TNR: variants seen among roughly 807,000 people sequenced by gnomAD.
TNR encodes tenascin R.
TNR carries 45 observed loss-of-function variants against 150.4 expected under a neutral mutation model. The observed-to-expected ratio is 0.30, with a 90% CI of 0.24 to 0.38. The LOEUF (loss-of-function observed/expected upper bound fraction) is 0.38. Among genes scored for constraint, TNR ranks in the 10% least tolerant of loss-of-function variants. The probability of loss-of-function intolerance (pLI) is 1.00; values close to 1 mark genes in which losing one functional copy is unlikely to be tolerated. For synonymous variants in TNR, 687 were observed against 678.4 expected (o/e 1.01, Z -0.20); for missense variants, 1,544 against 1,759.1 (o/e 0.88, Z 2.19).
intron 1 of TNR, among the ~76,000 whole-genome samples, chr1:175,713,770 A>G (rs943517540): frequency 2.0e-5 from 3 of 152,204 alleles, no homozygotes; most frequent in African/African-American, 7.2e-5. Context: ...GACCTGCATG[A>G]GAGAAGGAGG....
chr1:175,366,223 A>G, intron 10 of TNR, 85 bp from the exon 11 acceptor site: 1 of 1,403,430 alleles, frequency 7.1e-7, no homozygotes, highest in Non-Finnish European at 9.6e-7. Flanking sequence ...TTTCCAAGCT[A>G]TCAGCAGGCC....
At chr1:175,552,943 T>C (rs886321526) in intron 1 of TNR, among the ~76,000 whole-genome samples, 2 of 152,152 alleles carry the variant, frequency 1.3e-5, no homozygotes, top group Non-Finnish European at 2.9e-5. Flanking sequence ...CTGGCCAGTC[T>C]ACAGCCTGGG....
intron 2 of TNR, among the ~76,000 whole-genome samples, chr1:175,417,882 G>C (rs859471): frequency 1.3e-5 from 2 of 152,008 alleles, no homozygotes; most frequent in African/African-American, 4.8e-5. Flanking sequence ...ATAGCCATTC[G>C]TTTCTTCAGA....
At chr1:175,618,244 A>C (rs1400915342) in intron 1 of TNR, among the ~76,000 whole-genome samples, 1 of 152,244 alleles carries the variant, frequency 6.6e-6, no homozygotes, top group Non-Finnish European at 1.5e-5. Context: ...AATTAGACTG[A>C]AGTTAGAAAG....
intron 2 of TNR, among the ~76,000 whole-genome samples, chr1:175,420,777 G>A (rs1168677788): frequency 6.6e-6 from 1 of 152,156 alleles, no homozygotes; most frequent in Non-Finnish European, 1.5e-5. Flanking sequence ...CAATCCTATG[G>A]ATAACAAGCC....
chr1:175,580,049 C>T (rs1254977043), intron 1 of TNR, among the ~76,000 whole-genome samples: 1 of 152,120 alleles, frequency 6.6e-6, no homozygotes, highest in African/African-American at 2.4e-5. Flanking sequence ...GAGTCGACCC[C>T]AAGAAGCCCA....
intron 1 of TNR, 120 bp from the exon 2 acceptor site, chr1:175,528,489 T>C (rs1659937759): frequency 6.6e-6 from 1 of 152,230 alleles, no homozygotes; most frequent in South Asian, 2.1e-4. Context: ...GTGCACCATG[T>C]GAATTTCCAA....
intron 1 of TNR, among the ~76,000 whole-genome samples, chr1:175,656,082 C>T (rs1009131583): frequency 1.3e-5 from 2 of 151,716 alleles, no homozygotes; most frequent in Admixed American, 1.3e-4. Context: ...GCTATCTCCC[C>T]AGACAGGGCA....
intron 1 of TNR, among the ~76,000 whole-genome samples, chr1:175,724,613 G>T (rs1338873684): frequency 6.6e-6 from 1 of 152,136 alleles, no homozygotes; most frequent in Non-Finnish European, 1.5e-5. Context: ...CTGAAGGGTG[G>T]TTATGGGGAA....
intron 1 of TNR, among the ~76,000 whole-genome samples, chr1:175,590,889 TC>T (rs1343015129): frequency 6.6e-6 from 1 of 152,188 alleles, no homozygotes; most frequent in Non-Finnish European, 1.5e-5. Flanking sequence ...AAAGCATCAG[TC>T]ATAATATGAG....
intron 9 of TNR, among the ~76,000 whole-genome samples, chr1:175,369,166 A>G (rs1408778810): frequency 1.3e-5 from 2 of 152,140 alleles, no homozygotes; most frequent in Non-Finnish European, 2.9e-5. Flanking sequence ...TCTCATCACA[A>G]CCTTGGGAGG....
chr1:175,605,464 C>G (rs1038581959), intron 1 of TNR, among the ~76,000 whole-genome samples: 1 of 152,172 alleles, frequency 6.6e-6, no homozygotes, highest in African/African-American at 2.4e-5. Flanking sequence ...AGACATTGTA[C>G]TAAGCCTGGC....
chr1:175,741,752 C>T (rs953577496), intron 1 of TNR, among the ~76,000 whole-genome samples: 12 of 152,200 alleles, frequency 7.9e-5, no homozygotes, highest in African/African-American at 2.9e-4. Context: ...GAAGGCTCCC[C>T]AGCCAGAGGC....
intron 1 of TNR, among the ~76,000 whole-genome samples, chr1:175,597,849 T>C (rs1311057513): frequency 6.6e-6 from 1 of 152,220 alleles, no homozygotes; most frequent in African/African-American, 2.4e-5. Context: ...TACTGACTTT[T>C]CTGCAGTAAC....
intron 1 of TNR, among the ~76,000 whole-genome samples, chr1:175,576,280 G>A (rs529962109): frequency 8.5e-5 from 13 of 152,256 alleles, no homozygotes; most frequent in Admixed American, 2.6e-4. Context: ...ATTTCCCACC[G>A]GTTTTCCCTG....
intron 1 of TNR, among the ~76,000 whole-genome samples, chr1:175,699,941 C>T (rs778924681): frequency 1.3e-5 from 2 of 151,876 alleles, no homozygotes; most frequent in African/African-American, 2.4e-5. Context: ...TCAGTGGCCT[C>T]CACTTGTGTT....
chr1:175,566,729 C>A (rs577688799), intron 1 of TNR, among the ~76,000 whole-genome samples: 1 of 152,226 alleles, frequency 6.6e-6, no homozygotes, highest in Non-Finnish European at 1.5e-5. Context: ...GGCATGCTCA[C>A]GTTCTGATTC....
chr1:175,704,301 C>T (rs1490023583), intron 1 of TNR, among the ~76,000 whole-genome samples: 1 of 152,146 alleles, frequency 6.6e-6, no homozygotes. Context: ...AGACTTTAGT[C>T]AAAGGTTTAG....
intron 1 of TNR, among the ~76,000 whole-genome samples, chr1:175,734,465 G>T (rs974770188): frequency 6.6e-6 from 1 of 152,162 alleles, no homozygotes; most frequent in Non-Finnish European, 1.5e-5. Context: ...ACTCTTGTTG[G>T]GCAGAGTTTC....
Sources: allele counts gnomAD v4.1 joint callset (sites outside exome capture counted in the v4.1 genomes callset), GRCh38; gene constraint gnomAD v4.1.1; transcripts MANE v1.5; gene names NCBI Gene and HGNC (gene_info 2026-07-23, HGNC 2026-07-21).